The following RNF123 variants were observed in gnomAD, a reference collection of about 807,000 sequenced individuals.
RNF123 encodes the protein ring finger protein 123, also known as E3 ubiquitin-protein ligase RNF123.
In RNF123, 86 loss-of-function variants were observed where a neutral mutation model predicts 168.5. That is an observed-to-expected ratio of 0.51 (90% CI 0.43 to 0.61). The LOEUF (loss-of-function observed/expected upper bound fraction) is 0.61, where lower values mean the gene tolerates loss of function less well. Among genes scored for constraint, RNF123 ranks in the 20% least tolerant of loss-of-function variants. RNF123 has a pLI of 0.00. For missense variants in RNF123, 1,419 were observed against 1,729.7 expected (o/e 0.82, Z 3.19); for synonymous variants, 666 against 689.1 (o/e 0.97, Z 0.52).
At chr3:49,718,959 G>A in intron 35 of RNF123, 1 of 1,613,784 alleles carries the variant, frequency 6.2e-7, no homozygotes, top group East Asian at 2.2e-5. Context: ...AGAACGAGGC[G>A]AGTTCGTTGC....
chr3:49,715,929 G>A lies in RNF123; in HGVS notation c.3258G>A (p.Glu1086=), dbSNP rs2080234652. Residue 1086 remains glutamate, a synonymous_variant, in exon 33 of 39, where the codon GAG becomes GAA. Transcript: ENST00000327697. ...DLSVSLLRVL[E]MTITLVPEIF... ...CGGTCAGCCTGCTGCGTGTCTTGGAGATGACTATCACACTGGTGCCTGAGA... is the reference window on the plus strand; with the variant it reads ...CGGTCAGCCTGCTGCGTGTCTTGGAAATGACTATCACACTGGTGCCTGAGA... 1.2e-6 allele frequency: 2 copies of A among 1,614,086 alleles called. No individual in the cohort carries two copies. The highest frequency in any genetic ancestry group is 1.1e-5 in the South Asian group (1 of 91,084).
intron 31 of RNF123, among the ~76,000 whole-genome samples, chr3:49,715,159 C>T (rs1230045238): frequency 3.9e-5 from 6 of 152,274 alleles, no homozygotes; most frequent in African/African-American, 1.4e-4. Flanking sequence ...CAGTAGAGGA[C>T]AGCAGGTTTG....
rs868494915 is a variant in RNF123, at chr3:49,705,988, G to T, written c.2311G>T (p.Gly771Cys). The change falls in exon 25 of 39, where the codon GGT (glycine) becomes TGT (cysteine). Residue 771 changes from glycine to cysteine, a missense_variant. Physicochemically the swap from Gly to Cys is radical, Grantham distance 159. Transcript: ENST00000327697. ...GTGGTCCCATGCTGTGTAGATGGTG[G>T]GTGTCTCCGATGATGTCAATGAATA... Reference protein sequence around the residue: ...SVHQQLGKMVGVSDDVNEYAM... With the variant: ...SVHQQLGKMVCVSDDVNEYAM... 1.5e-5 allele frequency: 25 copies of T among 1,613,160 alleles called. No individual in the cohort carries two copies. The African/African-American group carries it at 2.8e-4, about 18-fold the overall frequency.
At chr3:49,720,107 G>T in intron 35 of RNF123, 1 of 159,686 alleles carries the variant, frequency 6.3e-6, no homozygotes, top group Non-Finnish European at 1.4e-5. Context: ...CCTGAGGTCA[G>T]GAATTCGAGA....
rs963783604 is a variant in RNF123, at chr3:49,703,412, C to G, written c.1751-15C>G. On this transcript the variant is annotated splice_polypyrimidine_tract_variant and intron_variant, in intron 20 of 38. Transcript: ENST00000327697. The stretch of plus-strand genomic sequence containing the variant: ...GGGCCGTGACCACTGGCCTAGCCTC[C>G]TCAATTCCTCGCAGAGGCCTACATC... 6.2e-6 allele frequency: 10 copies of G among 1,609,652 alleles called. No homozygotes were observed. The highest frequency in any genetic ancestry group is 1.7e-5 in the Admixed American group (1 of 59,936).
In RNF123 at chr3:49,699,356, A is replaced by T. The variant is rs1193397357; in HGVS notation, c.765-112A>T. 9.6e-7 allele frequency: 1 copy of T among 1,044,026 alleles called. No individual in the cohort carries two copies. Among genetic ancestry groups the T allele is most frequent in the Non-Finnish European group, 1.4e-6 (1 of 709,754 alleles). 64.7% of individuals were successfully genotyped at this position (1,044,026 alleles called of 1,614,324 possible). A position where few individuals can be genotyped will look rare whatever the true frequency, so the allele number is the denominator to read the frequency against. The stretch of plus-strand genomic sequence containing the variant: ...AGGGAGAATAAGTGGGCAAGTTGTG[A>T]TGCAAACCAGCCCTGCCCTAGAGCC... On this transcript the variant is annotated intron_variant, in intron 10 of 38. Transcript: ENST00000327697. This position sits in a 1 kb window ranked among gnomAD's most constrained non-coding sequence, Gnocchi z 4.8.
intron 35 of RNF123, chr3:49,719,559 C>A: frequency 9.0e-7 from 1 of 1,116,434 alleles, no homozygotes; most frequent in South Asian, 1.5e-5. Flanking sequence ...TGGGTGGCAC[C>A]GGATGGCCCT....
intron 31 of RNF123, 79 bp downstream of exon 31, chr3:49,714,253 TC>T: frequency 8.0e-7 from 1 of 1,253,782 alleles, no homozygotes; most frequent in Non-Finnish European, 1.2e-6. Context: ...TTTCAGACTC[TC>T]CACTTCTTCC....
At chr3:49,700,166 G>A in intron 12 of RNF123, 61 bp from the exon 13 acceptor site, 2 of 1,603,756 alleles carry the variant, frequency 1.2e-6, no homozygotes. Context: ...ATGTGCCAGG[G>A]CAGGGGTGCC....
chr3:49,710,763 CTG>C (rs1388135236), intron 26 of RNF123, among the ~76,000 whole-genome samples: 3 of 152,130 alleles, frequency 2.0e-5, no homozygotes, highest in African/African-American at 7.2e-5. Flanking sequence ...ATTTCCAGGA[CTG>C]TGCTGAGCAG....
chr3:49,720,317 GAA>G (rs370438853), intron 35 of RNF123, 192 bp from the exon 36 acceptor site: 1,275 of 342,794 alleles, frequency 3.7e-3, no homozygotes, highest in Middle Eastern at 6.0e-3. Context: ...CTCGTCTCAA[GAA>G]AAAAAAAAAA....
intron 3 of RNF123, chr3:49,696,927 T>C: frequency 1.9e-6 from 1 of 534,230 alleles, no homozygotes; most frequent in Non-Finnish European, 3.5e-6. Context: ...ATTACAGGCA[T>C]GGGCCACCAC....
intron 23 of RNF123, among the ~76,000 whole-genome samples, 159 bp from the exon 24 acceptor site, chr3:49,705,375 T>C (rs1050869899): frequency 6.6e-5 from 10 of 152,138 alleles, no homozygotes; most frequent in Non-Finnish European, 1.3e-4. Context: ...CCGCAGGCCT[T>C]GCCCTGCACT....
intron 5 of RNF123, 90 bp from the exon 6 acceptor site, chr3:49,697,795 G>A (rs577697681): frequency 5.5e-5 from 83 of 1,506,762 alleles, no homozygotes; most frequent in Non-Finnish European, 7.0e-5. Flanking sequence ...ATACCACCAG[G>A]GCTGGCTCAG....
rs2054285690 is a variant in RNF123 at position 49,697,212 on chromosome 3, G to GCT, written c.237_238insCT (p.Glu80LeufsTer37). On this transcript the variant is annotated frameshift_variant, in exon 4 of 39. Transcript: ENST00000327697. LOFTEE classifies it high-confidence loss of function. ...TGCTACAGGTGGACAATGAGGAGGA[G>GCT]GAAAGCCAGGGTATGTGGCCACCTC... 1 of 1,613,944 alleles carries GCT rather than the reference G, an allele frequency of 6.2e-7. No individual in the cohort carries two copies. Among genetic ancestry groups the GCT allele is most frequent in the Non-Finnish European group, 8.5e-7 (1 of 1,179,948 alleles).
At position 49,721,017 on chromosome 3, in the gene RNF123, C is replaced by T. The variant is rs576430897; in HGVS notation, c.3739-3C>T. The T allele has an allele frequency of 1.9e-6, 3 of 1,610,656 alleles. No homozygotes were observed. Among genetic ancestry groups the T allele is most frequent in the African/African-American group, 2.7e-5 (2 of 75,004 alleles). ...AGCCCACCCTTCACTCTCCTCCCTG[C>T]AGCCCACCAGTGAGGAGGACCTCTG... On this transcript the variant is annotated splice_polypyrimidine_tract_variant and splice_region_variant and intron_variant, in intron 37 of 38. Coordinates refer to ENST00000327697, the MANE Select transcript of RNF123 (RefSeq NM_022064.5).
intron 35 of RNF123, chr3:49,720,289 C>G (rs983201820): frequency 2.7e-6 from 1 of 371,746 alleles, no homozygotes; most frequent in Non-Finnish European, 4.7e-6. Context: ...GCACTCCAGC[C>G]TGGGCAACAG....
At position 49,702,624 on chromosome 3, in the gene RNF123, T is replaced by A; in HGVS notation, c.1630-9T>A. 4 of 1,614,220 alleles carry A rather than the reference T, an allele frequency of 2.5e-6. No individual in the cohort carries two copies. The highest frequency in any genetic ancestry group is 3.4e-6 in the Non-Finnish European group (4 of 1,180,026). On this transcript the variant is annotated splice_polypyrimidine_tract_variant and intron_variant, in intron 19 of 38. Transcript: ENST00000327697. ...GCACCAATGCATGTTTCATGCCTGG[T>A]GTCCACAGAACATGCCCATGCTCTG...
rs781250794 is a variant in RNF123, at chr3:49,718,055, C to A, written c.3500+1578C>A. On this transcript the variant is annotated intron_variant, in intron 35 of 38. Coordinates refer to ENST00000327697, the MANE Select transcript of RNF123 (RefSeq NM_022064.5). ...TAGAGATCGAATTCCTCAGCTACTG[C>A]CAGCTGCACGCGGCCATTGAGGCCC... The A allele has an allele frequency of 2.5e-6, 4 of 1,613,670 alleles. No homozygotes were observed. In the South Asian group the frequency reaches 3.3e-5, roughly 13 times the overall value.
Sources: allele counts gnomAD v4.1 joint callset (sites outside exome capture counted in the v4.1 genomes callset), GRCh38; gene constraint gnomAD v4.1.1; non-coding constraint Gnocchi (gnomAD v3.1); transcripts MANE v1.5; gene names NCBI Gene and HGNC (gene_info 2026-07-23, HGNC 2026-07-21).